GUCY1A2: variants seen among roughly 807,000 people sequenced by gnomAD.
GUCY1A2 encodes guanylate cyclase 1 soluble subunit alpha 2.
In GUCY1A2, 27 loss-of-function variants were observed where a neutral mutation model predicts 63.5. The ratio of observed to expected loss-of-function variants is 0.43; its 90% CI spans 0.31 to 0.59. The LOEUF (loss-of-function observed/expected upper bound fraction) is 0.59. GUCY1A2 is among the 20% of genes least tolerant of loss of function. GUCY1A2 has a pLI of 0.11. For synonymous variants in GUCY1A2, 364 were observed against 343.5 expected (o/e 1.06, Z -0.66); for missense variants, 768 against 913.3 (o/e 0.84, Z 2.05).
chr11:107,010,576 C>T (rs1861729458), intron 1 of GUCY1A2, among the ~76,000 whole-genome samples: 1 of 151,940 alleles, frequency 6.6e-6, no homozygotes, highest in African/African-American at 2.4e-5. Flanking sequence ...CAAACAGGTT[C>T]GCATACTTGA....
intron 4 of GUCY1A2, among the ~76,000 whole-genome samples, chr11:106,922,629 TCA>T (rs1860461078): frequency 6.9e-6 from 1 of 145,776 alleles, no homozygotes; most frequent in Non-Finnish European, 1.5e-5. Flanking sequence ...ATAATTACTC[TCA>T]AATAATGGTA....
At chr11:106,748,818 G>A (rs1863835048) in intron 6 of GUCY1A2, among the ~76,000 whole-genome samples, 1 of 150,638 alleles carries the variant, frequency 6.6e-6, no homozygotes, top group Non-Finnish European at 1.5e-5. Flanking sequence ...ATTACTTTAG[G>A]GAGTTATGAA....
At chr11:106,850,017 T>C (rs1445205439) in intron 4 of GUCY1A2, among the ~76,000 whole-genome samples, 2 of 151,658 alleles carry the variant, frequency 1.3e-5, no homozygotes, top group East Asian at 3.9e-4. Context: ...CGAAGAAACT[T>C]TGTATTCCAT....
intron 4 of GUCY1A2, among the ~76,000 whole-genome samples, chr11:106,883,240 A>T (rs1181854965): frequency 2.0e-5 from 3 of 152,150 alleles, no homozygotes; most frequent in African/African-American, 7.2e-5. Context: ...TGATGATTTG[A>T]CATTGATCTC....
intron 6 of GUCY1A2, among the ~76,000 whole-genome samples, chr11:106,757,786 C>G (rs933572249): frequency 6.6e-6 from 1 of 152,194 alleles, no homozygotes; most frequent in Non-Finnish European, 1.5e-5. Context: ...AGGTGTCTGT[C>G]AGCCCCTACT....
chr11:106,764,971 G>GGA (rs1268359774), intron 6 of GUCY1A2, among the ~76,000 whole-genome samples: 2 of 29,504 alleles, frequency 6.8e-5, no homozygotes, highest in South Asian at 1.5e-3. Context: ...AGATTTTTTT[G>GGA]GGGGGGGGTT....
chr11:106,956,459 G>A (rs898339837), intron 3 of GUCY1A2, among the ~76,000 whole-genome samples: 4 of 151,820 alleles, frequency 2.6e-5, no homozygotes, highest in African/African-American at 9.7e-5. Flanking sequence ...GGTTTTTTGT[G>A]GAGGCCTTTT....
chr11:106,719,323 A>T (rs1863272972), intron 6 of GUCY1A2, among the ~76,000 whole-genome samples: 1 of 152,156 alleles, frequency 6.6e-6, no homozygotes, highest in African/African-American at 2.4e-5. Flanking sequence ...ATTTCATAGA[A>T]GCACAAATTA....
intron 4 of GUCY1A2, among the ~76,000 whole-genome samples, chr11:106,909,392 C>CGTGTGTGTGTGTGT (rs1408056529): frequency 3.7e-5 from 5 of 135,688 alleles, no homozygotes; most frequent in Admixed American, 1.5e-4. Flanking sequence ...TGTGTGTGTA[C>CGTGTGTGTGTGTGT]GCTTTTCATT....
chr11:106,877,728 T>A (rs990881025), intron 4 of GUCY1A2, among the ~76,000 whole-genome samples: 21 of 152,174 alleles, frequency 1.4e-4, no homozygotes, highest in Non-Finnish European at 7.4e-5. Flanking sequence ...AAAGGTTTCA[T>A]GTTGAAGATG....
At chr11:106,827,610 TC>T in intron 4 of GUCY1A2, 2 of 1,506,996 alleles carry the variant, frequency 1.3e-6, no homozygotes, top group South Asian at 2.3e-5. Flanking sequence ...AATGCAGTGT[TC>T]TTCACTCTTC....
At chr11:106,901,572 C>T (rs552647852) in intron 4 of GUCY1A2, among the ~76,000 whole-genome samples, 1 of 152,158 alleles carries the variant, frequency 6.6e-6, no homozygotes, top group African/African-American at 2.4e-5. Flanking sequence ...TATACATATG[C>T]CATGTTGGTG....
chr11:106,875,816 T>TCTTTTTTTATATCTATG (rs1193379003), intron 4 of GUCY1A2, among the ~76,000 whole-genome samples: 1 of 152,104 alleles, frequency 6.6e-6, no homozygotes, highest in East Asian at 1.9e-4. Flanking sequence ...ATATTTTATA[T>TCTTTTTTTATATCTATG]CTTTTTTTAT....
In GUCY1A2 at chr11:106,686,845, C is replaced by G. The variant is rs1235235517; in HGVS notation, c.*704G>C. 4 of 195,878 alleles carry G rather than the reference C, an allele frequency of 2.0e-5. No homozygotes were observed. In the East Asian group the frequency reaches 3.2e-4, roughly 16 times the overall value. The allele number at this position is 195,878 out of a possible 1,614,324, so 12.1% of individuals were successfully genotyped here. On this transcript the variant is annotated 3_prime_UTR_variant, in exon 8 of 8. Coordinates refer to ENST00000526355, the MANE Select transcript of GUCY1A2 (RefSeq NM_000855.3). Reference sequence around the variant, plus strand: ...CAGACATATAATGCTTTCTTGGTATCTGAAATCCTTGGTTATATGTATTCT... The same window carrying G: ...CAGACATATAATGCTTTCTTGGTATGTGAAATCCTTGGTTATATGTATTCT...
intron 4 of GUCY1A2, among the ~76,000 whole-genome samples, chr11:106,834,201 AC>A (rs1859088381): frequency 6.6e-6 from 1 of 151,884 alleles, no homozygotes. Flanking sequence ...TTTGACCAAC[AC>A]CTGCCCATTT....
At chr11:107,006,946 G>A (rs1159285041) in intron 1 of GUCY1A2, among the ~76,000 whole-genome samples, 1 of 152,096 alleles carries the variant, frequency 6.6e-6, no homozygotes. Context: ...TGATTCACCA[G>A]AACGAATTTC....
At chr11:107,004,858 T>C (rs536961672) in intron 1 of GUCY1A2, among the ~76,000 whole-genome samples, 38 of 152,232 alleles carry the variant, frequency 2.5e-4, no homozygotes, top group African/African-American at 8.4e-4. Context: ...AACCGAACAA[T>C]AGTCCTAAGG....
intron 4 of GUCY1A2, among the ~76,000 whole-genome samples, chr11:106,887,545 AG>A (rs1175997399): frequency 1.3e-5 from 2 of 152,170 alleles, no homozygotes; most frequent in African/African-American, 4.8e-5. Flanking sequence ...AACTGCACTT[AG>A]GCATCCAGTC....
intron 6 of GUCY1A2, among the ~76,000 whole-genome samples, chr11:106,726,391 G>A (rs1863408915): frequency 6.6e-6 from 1 of 151,926 alleles, no homozygotes; most frequent in South Asian, 2.1e-4. Context: ...ACTCCAGCCT[G>A]GACGACAAGA....
Sources: gnomAD v4.1 joint callset for allele counts (sites outside exome capture counted in the v4.1 genomes callset) on GRCh38, gnomAD v4.1.1 for gene constraint, MANE v1.5 for transcripts, NCBI Gene and HGNC (gene_info 2026-07-23, HGNC 2026-07-21) for gene names.